GNA13: variants seen among roughly 807,000 people sequenced by gnomAD.
The protein encoded by GNA13 is G protein subunit alpha 13, also known as guanine nucleotide-binding protein subunit alpha-13.
Under a neutral mutation model 33.5 loss-of-function variants are expected in GNA13, and 4 were observed. The observed-to-expected ratio is 0.12, with a 90% CI of 0.06 to 0.27. GNA13 has a LOEUF of 0.27. GNA13 is among the 10% of genes least tolerant of loss of function. GNA13 has a pLI of 1.00. For missense variants in GNA13, 319 were observed against 487.2 expected (o/e 0.65, Z 3.25); for synonymous variants, 176 against 183.8 (o/e 0.96, Z 0.34).
intron 2 of GNA13, among the ~76,000 whole-genome samples, chr17:65,043,881 G>A (rs1045407157): frequency 1.3e-5 from 2 of 152,156 alleles, no homozygotes; most frequent in African/African-American, 4.8e-5. Context: ...CAGCACTGCA[G>A]GAGGCCAAGA....
chr17:65,053,329 T>C (rs1333434175), intron 2 of GNA13, 173 bp downstream of exon 2: 1 of 591,348 alleles, frequency 1.7e-6, no homozygotes, highest in Non-Finnish European at 3.0e-6. Flanking sequence ...TTACACGTAG[T>C]CATTAGAGAC....
chr17:65,010,828 C>T lies in GNA13; in HGVS notation c.*3429G>A, dbSNP rs544747150. 6.2e-5 allele frequency: 13 copies of T among 210,492 alleles called. No individual in the cohort carries two copies. The South Asian group carries it at 2.2e-3, about 36-fold the overall frequency. The allele number at this position is 210,492 out of a possible 1,614,324, so 13.0% of individuals were successfully genotyped here. On this transcript the variant is annotated 3_prime_UTR_variant, in exon 4 of 4. Transcript: ENST00000439174. Reference sequence around the variant, plus strand: ...TGATATTTAGCCTTCTCATGACATACACAGAAATAACATTGCTACAAACTG... The same window carrying T: ...TGATATTTAGCCTTCTCATGACATATACAGAAATAACATTGCTACAAACTG...
chr17:65,046,776 T>C (rs1307439474), intron 2 of GNA13, among the ~76,000 whole-genome samples: 1 of 152,252 alleles, frequency 6.6e-6, no homozygotes, highest in Non-Finnish European at 1.5e-5. Context: ...AACAAAACTA[T>C]TTACTTGTTC....
At chr17:65,026,198 C>CAA (rs200284409) in intron 2 of GNA13, among the ~76,000 whole-genome samples, 11 of 149,804 alleles carry the variant, frequency 7.3e-5, no homozygotes, top group African/African-American at 2.7e-4. Flanking sequence ...TACTCTCCAC[C>CAA]AAAATAAAAA....
chr17:65,055,268 G>C (rs1908003057), intron 1 of GNA13, among the ~76,000 whole-genome samples: 1 of 152,146 alleles, frequency 6.6e-6, no homozygotes, highest in African/African-American at 2.4e-5. Flanking sequence ...GCAGAAACGA[G>C]TGTTAATTAT....
At chr17:65,056,282 AC>A in intron 1 of GNA13, 28 bp downstream of exon 1, 2 of 1,524,868 alleles carry the variant, frequency 1.3e-6, no homozygotes, top group Non-Finnish European at 1.8e-6. Context: ...CCTGCCCTTA[AC>A]CCCCGGCCCC....
At chr17:65,056,256 CCG>C in intron 1 of GNA13, 53 bp downstream of exon 1, 1 of 1,143,932 alleles carries the variant, frequency 8.7e-7, no homozygotes, top group Non-Finnish European at 1.2e-6. Flanking sequence ...CCCGCACCCG[CCG>C]CCGCCCCAGC....
chr17:65,030,719 G>A (rs1018402216), intron 2 of GNA13, among the ~76,000 whole-genome samples: 5 of 152,140 alleles, frequency 3.3e-5, no homozygotes, highest in Non-Finnish European at 7.4e-5. Context: ...GAATTAAAAA[G>A]TTTCCAATTT....
chr17:65,027,704 T>C (rs188427183), intron 2 of GNA13, among the ~76,000 whole-genome samples: 2 of 152,330 alleles, frequency 1.3e-5, no homozygotes, highest in African/African-American at 4.8e-5. Flanking sequence ...TGGACTCTCT[T>C]TGAAACTAGG....
intron 1 of GNA13, among the ~76,000 whole-genome samples, chr17:65,056,003 C>T (rs2143837529): frequency 6.6e-6 from 1 of 152,292 alleles, no homozygotes; most frequent in East Asian, 1.9e-4. Flanking sequence ...CAGCACCCAG[C>T]TCGCCCCACT....
At chr17:65,036,997 G>A (rs1257712227) in intron 2 of GNA13, among the ~76,000 whole-genome samples, 4 of 152,316 alleles carry the variant, frequency 2.6e-5, no homozygotes, top group African/African-American at 9.6e-5. Flanking sequence ...TCTGGGCCAA[G>A]AACATACTAG....
chr17:65,038,260 G>A (rs7359582), intron 2 of GNA13, among the ~76,000 whole-genome samples: 129,401 of 152,028 alleles, frequency 0.85, 59,033 homozygotes, highest in East Asian at 1. Context: ...AAAATTCACC[G>A]GGCCTGGTGG....
chr17:65,053,148 C>T (rs1045348804), intron 2 of GNA13: 24 of 188,840 alleles, frequency 1.3e-4, no homozygotes, highest in African/African-American at 3.3e-4. Flanking sequence ...GTCCCTTATC[C>T]GAATGCCTGG....
intron 2 of GNA13, among the ~76,000 whole-genome samples, chr17:65,032,864 A>T (rs1907098839): frequency 1.3e-5 from 2 of 152,150 alleles, no homozygotes; most frequent in South Asian, 4.1e-4. Context: ...TAATCCCAGC[A>T]CTTTGGGAGG....
Position 65,056,683 on chromosome 17 carries a change from G to A in GNA13, c.-90C>T. 1 of 996,036 alleles carries A rather than the reference G, an allele frequency of 1.0e-6. No individual in the cohort carries two copies. The highest frequency in any genetic ancestry group is 1.3e-6 in the Non-Finnish European group (1 of 756,314). 61.7% of individuals were successfully genotyped at this position (996,036 alleles called of 1,614,324 possible). A position where few individuals can be genotyped will look rare whatever the true frequency, so the allele number is the denominator to read the frequency against. ...GGGCGGCTCCGGCACCGAGGCTCGA[G>A]GGCGGGGAGCGCGGCGGCGGCCCGA... On this transcript the variant is annotated 5_prime_UTR_variant, in exon 1 of 4. Coordinates refer to ENST00000439174, the MANE Select transcript of GNA13 (RefSeq NM_006572.6).
intron 2 of GNA13, among the ~76,000 whole-genome samples, chr17:65,020,665 T>C (rs1321627857): frequency 6.6e-6 from 1 of 152,108 alleles, no homozygotes; most frequent in Non-Finnish European, 1.5e-5. Flanking sequence ...TTTTTTTTTT[T>C]TTTGAGACAG....
At chr17:65,039,073 A>T (rs1907365120) in intron 2 of GNA13, among the ~76,000 whole-genome samples, 1 of 152,174 alleles carries the variant, frequency 6.6e-6, no homozygotes. Flanking sequence ...TCATTCTCCC[A>T]TGATCCTGTG....
intron 3 of GNA13, among the ~76,000 whole-genome samples, chr17:65,017,949 A>G (rs1211783765): frequency 6.6e-6 from 1 of 152,108 alleles, no homozygotes; most frequent in Non-Finnish European, 1.5e-5. Context: ...AAAATGGTAG[A>G]GACCTGGACA....
chr17:65,042,256 C>G (rs1044493900), intron 2 of GNA13, among the ~76,000 whole-genome samples: 3 of 151,092 alleles, frequency 2.0e-5, no homozygotes, highest in Non-Finnish European at 4.4e-5. Flanking sequence ...TACTCGGGAG[C>G]CTGAGGCAGG....
Sources: allele counts gnomAD v4.1 joint callset (sites outside exome capture counted in the v4.1 genomes callset), GRCh38; gene constraint gnomAD v4.1.1; transcripts MANE v1.5; gene names NCBI Gene and HGNC (gene_info 2026-07-23, HGNC 2026-07-21).